The following SNX29 variants were observed in gnomAD, a reference collection of about 807,000 sequenced individuals.
SNX29 encodes the protein sorting nexin-29.
A neutral mutation model predicts 102.1 loss-of-function variants in SNX29; 78 were observed. The ratio of observed to expected loss-of-function variants is 0.76; its 90% CI spans 0.64 to 0.92. SNX29 has a LOEUF of 0.92. Among genes scored for constraint, SNX29 ranks in the 40% least tolerant of loss-of-function variants. SNX29 has a pLI of 0.00. For synonymous variants in SNX29, 580 were observed against 414.5 expected (o/e 1.40, Z -4.85); for missense variants, 1,280 against 1,061.7 (o/e 1.21, Z -2.86).
intron 13 of SNX29, among the ~76,000 whole-genome samples, chr16:12,157,697 G>A (rs575090221): frequency 3.9e-5 from 6 of 152,316 alleles, no homozygotes; most frequent in Admixed American, 3.3e-4. Context: ...GAGCTCGTAA[G>A]TGAAGAATCC....
chr16:12,324,013 C>T lies in SNX29; in HGVS notation c.1783-32150C>T, dbSNP rs16959207. Among the ~76,000 whole-genome samples, 379 of 151,458 alleles carry T rather than the reference C, an allele frequency of 2.5e-3. 3 individuals are homozygous for T. Among genetic ancestry groups the T allele is most frequent in the African/African-American group, 8.6e-3 (353 of 40,856 alleles). On this transcript the variant is annotated intron_variant, in intron 15 of 20. Coordinates refer to ENST00000566228, the MANE Select transcript of SNX29 (RefSeq NM_032167.5). ...AAACTGATCCTAGAGAAGAATATGA[C>T]GTACTCCCTCAATTTATCCATGGGG...
At chr16:12,452,851 T>A (rs528915377) in intron 18 of SNX29, among the ~76,000 whole-genome samples, 34 of 152,246 alleles carry the variant, frequency 2.2e-4, no homozygotes, top group Non-Finnish European at 4.1e-4. Context: ...CCTGTTCAAG[T>A]TGGGTTTTAA....
intron 13 of SNX29, among the ~76,000 whole-genome samples, chr16:12,138,236 C>A (rs1436203801): frequency 1.5e-5 from 2 of 133,750 alleles, no homozygotes; most frequent in Non-Finnish European, 3.1e-5. Flanking sequence ...GAGGTGGAGT[C>A]TCACTCTGTC....
chr16:12,211,179 G>C (rs2142039839), intron 14 of SNX29, among the ~76,000 whole-genome samples: 1 of 152,232 alleles, frequency 6.6e-6, no homozygotes, highest in African/African-American at 2.4e-5. Context: ...AATACTCCTT[G>C]AGTACCAGGC....
chr16:12,308,205 A>G (rs760198601), intron 15 of SNX29, among the ~76,000 whole-genome samples: 1 of 152,196 alleles, frequency 6.6e-6, no homozygotes, highest in Non-Finnish European at 1.5e-5. Context: ...GACACCCGGC[A>G]GGCAGGCACA....
intron 1 of SNX29, 58 bp from the exon 2 acceptor site, chr16:11,999,238 GT>G (rs1229810835): frequency 3.0e-5 from 46 of 1,531,002 alleles, no homozygotes; most frequent in Admixed American, 1.2e-4. Context: ...GACTGATCTA[GT>G]TGGGGACAGC....
At chr16:12,379,744 CTTGGGTT>C (rs1421290115) in intron 16 of SNX29, among the ~76,000 whole-genome samples, 1 of 152,152 alleles carries the variant, frequency 6.6e-6, no homozygotes. Context: ...AGGGCTGCTG[CTTGGGTT>C]TGATCACTGT....
At chr16:12,077,313 G>A (rs2051625089) in intron 10 of SNX29, among the ~76,000 whole-genome samples, 1 of 151,086 alleles carries the variant, frequency 6.6e-6, no homozygotes, top group African/African-American at 2.4e-5. Context: ...AACAGTAAAT[G>A]AAAAAAGAAA....
At chr16:12,412,186 A>G (rs947921840) in intron 18 of SNX29, among the ~76,000 whole-genome samples, 6 of 152,194 alleles carry the variant, frequency 3.9e-5, no homozygotes, top group African/African-American at 9.7e-5. Context: ...TTTAATGCAC[A>G]TTGCTGCTTA....
In SNX29 at chr16:12,569,897, A is replaced by G. The variant is rs1321655950; in HGVS notation, c.*1268A>G. On this transcript the variant is annotated 3_prime_UTR_variant, in exon 21 of 21. Coordinates refer to ENST00000566228, the MANE Select transcript of SNX29 (RefSeq NM_032167.5). ...GAGTAAGTTTGTGTGTTTCGCCTTA[A>G]TCTGAGGCAGAGACACAGCAGAACC... The G allele has an allele frequency of 4.3e-6, 1 of 231,540 alleles. No individual in the cohort carries two copies. 14.3% of individuals were successfully genotyped at this position (231,540 alleles called of 1,614,324 possible).
chr16:12,244,109 C>T (rs369514498), intron 14 of SNX29, among the ~76,000 whole-genome samples: 1 of 152,268 alleles, frequency 6.6e-6, no homozygotes, highest in East Asian at 1.9e-4. Flanking sequence ...CTCTGAGATT[C>T]TAATGCCACC....
chr16:12,547,923 G>T (rs567998017), intron 20 of SNX29, among the ~76,000 whole-genome samples: 1 of 152,088 alleles, frequency 6.6e-6, no homozygotes, highest in South Asian at 2.1e-4. Context: ...GGGGTTCAGG[G>T]ATACCTCAAT....
intron 15 of SNX29, among the ~76,000 whole-genome samples, chr16:12,320,383 C>CA (rs1205065690): frequency 2.0e-5 from 3 of 152,028 alleles, no homozygotes; most frequent in Non-Finnish European, 4.4e-5. Flanking sequence ...TGCCTGTGCC[C>CA]AGCATGGGGG....
At chr16:12,567,836 G>C (rs1011809314) in intron 20 of SNX29, among the ~76,000 whole-genome samples, 1 of 152,128 alleles carries the variant, frequency 6.6e-6, no homozygotes, top group Non-Finnish European at 1.5e-5. Context: ...TCACGGTGAA[G>C]CCTCCCAGCC....
intron 16 of SNX29, chr16:12,374,829 G>T (rs2082816099): frequency 1.3e-5 from 2 of 152,178 alleles, no homozygotes; most frequent in African/African-American, 4.8e-5. Context: ...TGATGCTCCT[G>T]AGGTTGAGAA....
chr16:12,566,247 G>T (rs1468682070), intron 20 of SNX29, among the ~76,000 whole-genome samples: 1 of 152,208 alleles, frequency 6.6e-6, no homozygotes, highest in Non-Finnish European at 1.5e-5. Context: ...GACAGACAAG[G>T]AAACCAAGGG....
At chr16:12,238,302 A>G (rs2077997907) in intron 14 of SNX29, among the ~76,000 whole-genome samples, 1 of 121,218 alleles carries the variant, frequency 8.2e-6, no homozygotes, top group East Asian at 2.4e-4. Flanking sequence ...TTGGATGGGC[A>G]CTTTTTTTTT....
At chr16:12,277,760 C>G (rs769674568) in intron 14 of SNX29, among the ~76,000 whole-genome samples, 173 bp from the exon 15 acceptor site, 2 of 152,028 alleles carry the variant, frequency 1.3e-5, no homozygotes, top group Non-Finnish European at 2.9e-5. Flanking sequence ...TTTTATTGTA[C>G]TTAGGTGAAA....
chr16:12,395,150 T>C (rs1265296821), intron 16 of SNX29, among the ~76,000 whole-genome samples: 1 of 152,204 alleles, frequency 6.6e-6, no homozygotes, highest in Non-Finnish European at 1.5e-5. Flanking sequence ...ATTCAGGACA[T>C]AGTGGATACT....
Sources: allele counts gnomAD v4.1 joint callset (sites outside exome capture counted in the v4.1 genomes callset), GRCh38; gene constraint gnomAD v4.1.1; transcripts MANE v1.5; gene names NCBI Gene and HGNC (gene_info 2026-07-23, HGNC 2026-07-21).